UGGT2: variants seen among roughly 807,000 people sequenced by gnomAD.
The protein encoded by UGGT2 is UDP-glucose glycoprotein glucosyltransferase 2.
Under a neutral mutation model 192.1 loss-of-function variants are expected in UGGT2, and 180 were observed. The ratio of observed to expected loss-of-function variants is 0.94; its 90% CI spans 0.83 to 1.06. The LOEUF (loss-of-function observed/expected upper bound fraction) is 1.06, where lower values mean the gene tolerates loss of function less well. UGGT2 is among the 50% of genes least tolerant of loss of function. The pLI is 0.00. For missense variants in UGGT2, 1,849 were observed against 1,795.7 expected (o/e 1.03, Z -0.54); for synonymous variants, 580 against 591.0 (o/e 0.98, Z 0.27).
chr13:95,992,486 G>A (rs1594527494), intron 7 of UGGT2, among the ~76,000 whole-genome samples: 3 of 152,130 alleles, frequency 2.0e-5, no homozygotes, highest in Admixed American at 2.0e-4. Context: ...TTGGCTCTCA[G>A]CTTGAACATT....
At chr13:95,965,155 A>G (rs1296501520) in intron 12 of UGGT2, among the ~76,000 whole-genome samples, 1 of 151,388 alleles carries the variant, frequency 6.6e-6, no homozygotes, top group East Asian at 1.9e-4. Context: ...ACTGTAAACT[A>G]GTTCAACCAT....
At chr13:95,926,734 T>C (rs1318288598) in intron 19 of UGGT2, among the ~76,000 whole-genome samples, 1 of 152,156 alleles carries the variant, frequency 6.6e-6, no homozygotes, top group Non-Finnish European at 1.5e-5. Flanking sequence ...GTAATTGTAC[T>C]TTTCTGTATA....
intron 8 of UGGT2, chr13:95,989,593 C>A: frequency 2.6e-6 from 1 of 377,740 alleles, no homozygotes; most frequent in Non-Finnish European, 5.5e-6. Context: ...ATAGTCTTAA[C>A]AGGATCTAAA....
At chr13:95,845,175 C>T (rs12857280) in intron 36 of UGGT2, among the ~76,000 whole-genome samples, 58,685 of 150,950 alleles carry the variant, frequency 0.39, 11,527 homozygotes, top group Non-Finnish European at 0.42. Context: ...AAGATCCTTT[C>T]TTTTAAATTT....
At chr13:96,048,148 AG>A (rs2053374842) in intron 1 of UGGT2, among the ~76,000 whole-genome samples, 1 of 151,906 alleles carries the variant, frequency 6.6e-6, no homozygotes, top group South Asian at 2.1e-4. Context: ...CTCAGACAAC[AG>A]CAATCAAACT....
intron 12 of UGGT2, among the ~76,000 whole-genome samples, chr13:95,964,141 C>A (rs984028909): frequency 6.6e-6 from 1 of 152,012 alleles, no homozygotes; most frequent in African/African-American, 2.4e-5. Context: ...TGGAAGAGAA[C>A]AGAGAATCCA....
At chr13:95,983,562 A>T (rs889051538) in intron 10 of UGGT2, 2 of 583,962 alleles carry the variant, frequency 3.4e-6, no homozygotes, top group African/African-American at 3.6e-5. Context: ...CTATGAAGAA[A>T]ACCATACTAC....
At chr13:95,871,465 T>C (rs1056012522) in intron 29 of UGGT2, among the ~76,000 whole-genome samples, 5 of 152,218 alleles carry the variant, frequency 3.3e-5, no homozygotes, top group Non-Finnish European at 7.3e-5. Context: ...TGCCTTCTCA[T>C]TCTAAACTCA....
chr13:95,836,917 G>A (rs1566567493), intron 37 of UGGT2, among the ~76,000 whole-genome samples, 169 bp downstream of exon 37: 2 of 152,142 alleles, frequency 1.3e-5, no homozygotes, highest in African/African-American at 2.4e-5. Context: ...GGTCTTGGGG[G>A]CCCCCAAAAT....
chr13:96,026,286 T>A (rs982326321), intron 2 of UGGT2, among the ~76,000 whole-genome samples: 1 of 152,162 alleles, frequency 6.6e-6, no homozygotes, highest in Non-Finnish European at 1.5e-5. Flanking sequence ...TTCCAAGAGT[T>A]ATTCATGAGG....
Position 96,053,169 on chromosome 13 carries a change from C to T in UGGT2, c.144G>A (p.Leu48=). The change falls in exon 1 of 39, where the codon CTG becomes CTA. Residue 48 remains leucine (L), a synonymous_variant. Transcript: ENST00000376747. ...CCCGCACCCACCTTGCCTCCAGCAG[C>T]AGCGGGGTCTCGGGCCACTTCGCGG... ...HLAAKWPETP[L]LLEASEFMAE... The T allele has an allele frequency of 6.6e-7, 1 of 1,514,640 alleles. No homozygotes were observed. 93.8% of individuals were successfully genotyped at this position (1,514,640 alleles called of 1,614,324 possible).
At chr13:95,833,185 C>T (rs1280127970) in intron 37 of UGGT2, 132 bp from the exon 38 acceptor site, 4 of 914,868 alleles carry the variant, frequency 4.4e-6, no homozygotes, top group Middle Eastern at 6.4e-4. Context: ...AAGTTTAATA[C>T]ACACAGGATC....
At chr13:95,906,806 G>T (rs1472999786) in intron 20 of UGGT2, among the ~76,000 whole-genome samples, 5 of 152,166 alleles carry the variant, frequency 3.3e-5, no homozygotes, top group Non-Finnish European at 5.9e-5. Flanking sequence ...AATCAGATGG[G>T]GGCGTTCCAA....
chr13:95,986,094 T>C (rs1037788122), intron 9 of UGGT2, among the ~76,000 whole-genome samples: 3 of 151,964 alleles, frequency 2.0e-5, no homozygotes, highest in African/African-American at 7.2e-5. Flanking sequence ...TTTAGGACTT[T>C]TTTTCCTATT....
intron 6 of UGGT2, 57 bp downstream of exon 6, chr13:95,999,154 A>C (rs2051717926): frequency 7.0e-7 from 1 of 1,430,102 alleles, no homozygotes; most frequent in African/African-American, 1.4e-5. Flanking sequence ...AAAAAACTAA[A>C]GTATGTAAAA....
chr13:95,971,853 A>G (rs994036545), intron 11 of UGGT2, among the ~76,000 whole-genome samples: 1 of 152,196 alleles, frequency 6.6e-6, no homozygotes, highest in Non-Finnish European at 1.5e-5. Context: ...ATATTTTCCA[A>G]CGTATTTCCA....
At chr13:95,976,234 T>C (rs1190558435) in intron 10 of UGGT2, among the ~76,000 whole-genome samples, 1 of 152,188 alleles carries the variant, frequency 6.6e-6, no homozygotes, top group African/African-American at 2.4e-5. Flanking sequence ...TCCTCTATTG[T>C]TGCTAAAGAT....
In UGGT2 at chr13:95,927,044, A is replaced by G; in HGVS notation, c.2184T>C (p.Tyr728=). 6.2e-7 allele frequency: 1 copy of G among 1,606,888 alleles called. No individual in the cohort carries two copies. Among genetic ancestry groups the G allele is most frequent in the Non-Finnish European group, 8.5e-7 (1 of 1,177,932 alleles). ...GCTTATTACCGTCTTGGGTTAAATA[A>G]TACATGTTCTTTGCAATTACAGCAC... is the stretch of plus-strand genomic sequence containing the variant. ...DKSAVIAKNM[Y]YLTQDDESII... is the part of the protein sequence containing the mutation. The change falls in exon 19 of 39, where the codon TAT becomes TAC. Residue 728 remains tyrosine, a synonymous_variant. Transcript: ENST00000376747.
chr13:95,922,560 G>A (rs937885743), intron 20 of UGGT2, among the ~76,000 whole-genome samples: 13 of 152,114 alleles, frequency 8.5e-5, no homozygotes, highest in African/African-American at 2.2e-4. Flanking sequence ...AGTGGCTCAC[G>A]CCTGTAATCT....
Sources: gnomAD v4.1 joint callset for allele counts (sites outside exome capture counted in the v4.1 genomes callset) on GRCh38, gnomAD v4.1.1 for gene constraint, MANE v1.5 for transcripts, NCBI Gene and HGNC (gene_info 2026-07-23, HGNC 2026-07-21) for gene names.